Variants in BTRC observed in about 807,000 individuals in gnomAD.
BTRC encodes the protein beta-transducin repeat containing E3 ubiquitin protein ligase.
A neutral mutation model predicts 85.5 loss-of-function variants in BTRC; 42 were observed. The observed-to-expected ratio is 0.49, with a 90% CI of 0.38 to 0.64. The LOEUF (loss-of-function observed/expected upper bound fraction) is 0.64, where lower values mean the gene tolerates loss of function less well. Ranked by LOEUF, BTRC falls within the 30% of genes least tolerant of loss-of-function variation. The pLI, the probability that BTRC is intolerant of heterozygous loss-of-function variation, is 0.00. For missense variants in BTRC, 594 were observed against 743.5 expected, an observed-to-expected ratio of 0.80 and a Z score of 2.34; for synonymous variants, 255 against 263.3, an observed-to-expected ratio of 0.97 and a Z score of 0.30.
At chr10:101,391,543 GCT>G (rs1469561717) in intron 1 of BTRC, among the ~76,000 whole-genome samples, 5 of 152,122 alleles carry the variant, frequency 3.3e-5, no homozygotes, top group Non-Finnish European at 7.4e-5. Flanking sequence ...TTCCCAAAAT[GCT>G]CTTTGTTCAT....
At chr10:101,354,265 G>T in intron 1 of BTRC, 37 bp downstream of exon 1, 1 of 1,546,520 alleles carries the variant, frequency 6.5e-7, no homozygotes, top group Non-Finnish European at 8.7e-7. Context: ...CGGTGGAGGC[G>T]CTGGCGTTGG....
chr10:101,461,555 A>G (rs1945226152), intron 2 of BTRC, among the ~76,000 whole-genome samples: 2 of 152,190 alleles, frequency 1.3e-5, no homozygotes, highest in Non-Finnish European at 2.9e-5. Context: ...GAGGGGGAAG[A>G]GAAATAACTA....
intron 13 of BTRC, among the ~76,000 whole-genome samples, chr10:101,547,328 C>CTTTTTTTTTTTTTTT (rs71016332): frequency 1.3e-5 from 1 of 79,636 alleles, no homozygotes; most frequent in Non-Finnish European, 2.4e-5. Context: ...TATGGTTTTT[C>CTTTTTTTTTTTTTTT]TTTTTTTTTT....
chr10:101,355,138 G>T (rs1170009974), intron 1 of BTRC, among the ~76,000 whole-genome samples: 2 of 152,206 alleles, frequency 1.3e-5, no homozygotes, highest in African/African-American at 2.4e-5. Flanking sequence ...ACGGTAAAAT[G>T]TGGAGGCCAG....
intron 3 of BTRC, among the ~76,000 whole-genome samples, chr10:101,479,045 C>T (rs1023073088): frequency 4.6e-5 from 7 of 151,782 alleles, no homozygotes; most frequent in Non-Finnish European, 7.4e-5. Flanking sequence ...TTTCTCAGAA[C>T]GGTAACTGCT....
intron 1 of BTRC, among the ~76,000 whole-genome samples, chr10:101,385,749 G>A (rs1340922553): frequency 1.4e-5 from 2 of 148,138 alleles, no homozygotes; most frequent in Non-Finnish European, 3.0e-5. Flanking sequence ...ACACACATAT[G>A]TTTTGTACAA....
rs2061950591 is a variant in BTRC at position 101,511,322 on chromosome 10, T to C, written c.325-10317T>C. ...CCCCAAGATCTTCACAAGACTGACA[T>C]GTCATTCAAATCTCAGCTCAGGTGT... is the stretch of plus-strand genomic sequence containing the variant. On this transcript the variant is annotated intron_variant, in intron 4 of 14. Coordinates refer to ENST00000370187, the MANE Select transcript of BTRC (RefSeq NM_033637.4). Among the ~76,000 whole-genome samples the C allele has an allele frequency of 2.0e-5, 3 of 152,332 alleles. 1 individual carries two copies. The highest frequency in any genetic ancestry group is 2.0e-4 in the Admixed American group (3 of 15,308).
intron 1 of BTRC, among the ~76,000 whole-genome samples, chr10:101,379,180 A>G (rs534146371): frequency 4.6e-5 from 7 of 152,370 alleles, no homozygotes; most frequent in Admixed American, 1.3e-4. Context: ...TTCCACTTAT[A>G]TCAGAGTTTG....
intron 4 of BTRC, among the ~76,000 whole-genome samples, chr10:101,512,952 G>A (rs962505212): frequency 5.3e-5 from 8 of 152,182 alleles, no homozygotes; most frequent in African/African-American, 1.9e-4. Flanking sequence ...GAACAGTAGT[G>A]GTTGAGTCAT....
At chr10:101,525,886 A>C in intron 5 of BTRC, 127 bp from the exon 6 acceptor site, 3 of 835,502 alleles carry the variant, frequency 3.6e-6, no homozygotes. Context: ...AAGAAACTGG[A>C]CCACACTAGG....
chr10:101,410,996 C>CTTTT (rs11356520), intron 1 of BTRC, among the ~76,000 whole-genome samples: 3 of 122,484 alleles, frequency 2.4e-5, no homozygotes, highest in Non-Finnish European at 5.0e-5. Flanking sequence ...ATTTCTGGCA[C>CTTTT]TTTTTTTTTT....
rs118053433 is a variant in BTRC, at chr10:101,467,962, C to T, written c.234+5904C>T. On this transcript the variant is annotated intron_variant, in intron 3 of 14. Coordinates refer to ENST00000370187, the MANE Select transcript of BTRC (RefSeq NM_033637.4). ...CTTAAGTAAGACAAAAGTGATCTTT[C>T]CAAATCTGACGAAGTGATTTGTTTA... 1.5e-3 allele frequency among the ~76,000 whole-genome samples: 224 copies of T among 152,234 alleles called. 7 individuals are homozygous for T. The East Asian group carries it at 0.041, about 28-fold the overall frequency.
At chr10:101,362,344 G>A (rs990784024) in intron 1 of BTRC, among the ~76,000 whole-genome samples, 1 of 152,044 alleles carries the variant, frequency 6.6e-6, no homozygotes, top group Non-Finnish European at 1.5e-5. Context: ...CCTGCTCCTA[G>A]GCTTGTGACC....
At chr10:101,411,374 A>C (rs1943773928) in intron 1 of BTRC, among the ~76,000 whole-genome samples, 2 of 152,192 alleles carry the variant, frequency 1.3e-5, no homozygotes, top group Admixed American at 1.3e-4. Context: ...CATTTTCCAA[A>C]TATATTTTCT....
chr10:101,468,606 G>T (rs1466387307), intron 3 of BTRC, among the ~76,000 whole-genome samples: 1 of 152,062 alleles, frequency 6.6e-6, no homozygotes, highest in Non-Finnish European at 1.5e-5. Context: ...ATATTCTTGT[G>T]TGGGACATGA....
chr10:101,520,462 A>G (rs910991590), intron 4 of BTRC, among the ~76,000 whole-genome samples: 1 of 152,232 alleles, frequency 6.6e-6, no homozygotes, highest in Non-Finnish European at 1.5e-5. Flanking sequence ...TGTTTGGCAC[A>G]TTATAGAGGT....
intron 1 of BTRC, among the ~76,000 whole-genome samples, chr10:101,374,452 A>G (rs1259596866): frequency 2.0e-5 from 3 of 150,948 alleles, no homozygotes; most frequent in Non-Finnish European, 4.4e-5. Context: ...CTATGCAGCC[A>G]TAAAAAATGA....
chr10:101,493,764 T>C (rs1438525653), intron 4 of BTRC, among the ~76,000 whole-genome samples: 1 of 152,192 alleles, frequency 6.6e-6, no homozygotes, highest in African/African-American at 2.4e-5. Flanking sequence ...ACGCCTCAAT[T>C]AGCAGCCACA....
intron 1 of BTRC, among the ~76,000 whole-genome samples, chr10:101,395,279 TGA>T (rs1462683309): frequency 3.9e-5 from 6 of 152,200 alleles, no homozygotes; most frequent in South Asian, 2.1e-4. Flanking sequence ...AATTTTCGTG[TGA>T]GAGTCTAGCC....
Sources: gnomAD v4.1 joint callset for allele counts (sites outside exome capture counted in the v4.1 genomes callset) on GRCh38, gnomAD v4.1.1 for gene constraint, MANE v1.5 for transcripts, NCBI Gene and HGNC (gene_info 2026-07-23, HGNC 2026-07-21) for gene names.